PAPOLG: variants seen among roughly 807,000 people sequenced by gnomAD.
PAPOLG encodes poly(A) polymerase gamma, also known as PAP-gamma.
Under a neutral mutation model 99.0 loss-of-function variants are expected in PAPOLG, and 40 were observed. That is an observed-to-expected ratio of 0.40 (90% CI 0.31 to 0.53). The LOEUF is 0.53. Among genes scored for constraint, PAPOLG ranks in the 20% least tolerant of loss-of-function variants. The probability of loss-of-function intolerance (pLI) is 0.41; values close to 1 mark genes in which losing one functional copy is unlikely to be tolerated. For synonymous variants in PAPOLG, 310 were observed against 299.3 expected (o/e 1.04, Z -0.37); for missense variants, 675 against 884.1 (o/e 0.76, Z 3.00).
intron 3 of PAPOLG, among the ~76,000 whole-genome samples, chr2:60,765,189 C>G (rs532993265): frequency 4.6e-5 from 7 of 151,868 alleles, no homozygotes; most frequent in Non-Finnish European, 8.8e-5. Flanking sequence ...TCACCCCAGC[C>G]CCCCAAGTAG....
rs777430421 is a variant in PAPOLG at position 60,779,758 on chromosome 2, T to C, written c.816T>C (p.Phe272=). ...AAASTLVHKF[F]LVFSKWEWPN... ...CATCTACTTTAGTTCATAAGTTCTT[T>C]TTAGTTTTTTCCAAGTGGTAAGTAT... Residue 272 remains phenylalanine (F), a synonymous_variant, in exon 9 of 22, where the codon TTT becomes TTC. Coordinates refer to ENST00000238714, the MANE Select transcript of PAPOLG (RefSeq NM_022894.4). The C allele has an allele frequency of 2.5e-6, 4 of 1,613,764 alleles. No homozygotes were observed. Among genetic ancestry groups the C allele is most frequent in the Non-Finnish European group, 3.4e-6 (4 of 1,179,762 alleles).
At chr2:60,765,485 C>T (rs1299647057) in intron 3 of PAPOLG, among the ~76,000 whole-genome samples, 1 of 151,440 alleles carries the variant, frequency 6.6e-6, no homozygotes, top group African/African-American at 2.4e-5. Flanking sequence ...GAACCTCCCA[C>T]CTCAGCCTCC....
chr2:60,768,376 A>T, intron 3 of PAPOLG, 94 bp from the exon 4 acceptor site: 2 of 1,297,714 alleles, frequency 1.5e-6, no homozygotes, highest in Non-Finnish European at 2.2e-6. Flanking sequence ...TGCTGGGATT[A>T]CAAGTGTGAG....
At chr2:60,773,090 G>A (rs910906210) in intron 7 of PAPOLG, among the ~76,000 whole-genome samples, 1 of 152,000 alleles carries the variant, frequency 6.6e-6, no homozygotes, top group Non-Finnish European at 1.5e-5. Context: ...ACGCCTGGCT[G>A]ATCTTTTTGT....
At position 60,798,553 on chromosome 2, in the gene PAPOLG, C is replaced by G. The variant is rs1439038377; in HGVS notation, c.*1393C>G. On this transcript the variant is annotated 3_prime_UTR_variant, in exon 22 of 22. Transcript: ENST00000238714. ...AAATGAAAATGTATAGATTACACAG[C>G]CAGGAATGCTAGTATCTACCACCTT... is the stretch of plus-strand genomic sequence containing the variant. 26 of 152,394 alleles carry G rather than the reference C, an allele frequency of 1.7e-4. No homozygotes were observed. Among genetic ancestry groups the G allele is most frequent in the Admixed American group, 1.7e-3 (26 of 15,274 alleles). 9.4% of individuals were successfully genotyped at this position (152,394 alleles called of 1,614,324 possible).
rs1671402901 is a variant in PAPOLG at position 60,787,573 on chromosome 2, G to A, written c.1349G>A (p.Ser450Asn). Residue 450 changes from serine (S) to asparagine (N), a missense_variant, in exon 15 of 22, where the codon AGT (serine) becomes AAT (asparagine). Around this residue, in one of 3 missense-constraint regions of PAPOLG, gnomAD observed 413 missense variants for 460.5 expected, o/e 0.90. Transcript: ENST00000238714. Reference sequence around the variant, plus strand: ...TTTCGGAGAGTAGAAAATGCAGAAAGTGTCAACATAGACTTGACATATGAT... The same window carrying A: ...TTTCGGAGAGTAGAAAATGCAGAAAATGTCAACATAGACTTGACATATGAT... Reference protein sequence around the residue: ...IIFRRVENAESVNIDLTYDIQ... With the variant: ...IIFRRVENAENVNIDLTYDIQ... 1 of 1,614,138 alleles carries A rather than the reference G, an allele frequency of 6.2e-7. No individual in the cohort carries two copies. The highest frequency in any genetic ancestry group is 8.5e-7 in the Non-Finnish European group (1 of 1,180,002).
In PAPOLG at chr2:60,756,429, C is replaced by A. The variant is rs1203181811; in HGVS notation, c.-50C>A. On this transcript the variant is annotated 5_prime_UTR_variant, in exon 1 of 22. Coordinates refer to ENST00000238714, the MANE Select transcript of PAPOLG (RefSeq NM_022894.4). ...CAGGGGGAGAAGGGAACAGCAAGAA[C>A]AGGACTCCAGAGCGATAAACACTCG... 1.2e-6 allele frequency: 2 copies of A among 1,612,860 alleles called. No homozygotes were observed. The highest frequency in any genetic ancestry group is 3.3e-5 in the Admixed American group (2 of 59,962).
rs1671163825 is a variant in PAPOLG at position 60,780,770 on chromosome 2, G to A, written c.897G>A (p.Trp299Ter). ...AAAGCAATTTGAATTTGCCTGTCTG[G>A]GATCCTCGGGTATGTGATTTATTAT... is the stretch of plus-strand genomic sequence containing the variant. ...PEESNLNLPVWDPRVNPSDRY... is the reference protein window; with the variant it reads ...PEESNLNLPV The change falls in exon 10 of 22, where the codon TGG becomes TGA. Residue 299 changes from tryptophan to a stop codon, truncating the protein, a stop_gained. Transcript: ENST00000238714. LOFTEE classifies it high-confidence loss of function. The A allele has an allele frequency of 6.2e-7, 1 of 1,611,282 alleles. No homozygotes were observed. Among genetic ancestry groups the A allele is most frequent in the African/African-American group, 1.3e-5 (1 of 74,836 alleles).
intron 6 of PAPOLG, 51 bp from the exon 7 acceptor site, chr2:60,771,467 GA>G: frequency 6.5e-7 from 1 of 1,546,578 alleles, no homozygotes; most frequent in Non-Finnish European, 8.7e-7. Context: ...GGAGAGGATG[GA>G]TTAAAAGGAG....
At chr2:60,766,259 G>A (rs888230113) in intron 3 of PAPOLG, among the ~76,000 whole-genome samples, 6 of 152,146 alleles carry the variant, frequency 3.9e-5, no homozygotes, top group African/African-American at 1.4e-4. Context: ...TTTAAGAATT[G>A]TAATGGCAGA....
chr2:60,793,679 C>A lies in PAPOLG; in HGVS notation c.1732C>A (p.Pro578Thr). The A allele has an allele frequency of 6.2e-7, 1 of 1,613,824 alleles. No individual in the cohort carries two copies. The highest frequency in any genetic ancestry group is 1.3e-5 in the African/African-American group (1 of 75,032). Residue 578 changes from proline to threonine, a missense_variant, in exon 18 of 22, where the codon CCA (proline) becomes ACA (threonine). This residue lies in a region of PAPOLG where 413 missense variants were observed against 460.5 expected (regional missense o/e 0.90). Coordinates refer to ENST00000238714, the MANE Select transcript of PAPOLG (RefSeq NM_022894.4). ...VIVEKPLSVP[P>T]AQGLSIPVIG... ...TGTGGAGAAGCCACTGAGTGTACCACCAGCCCAAGGACTTTCCATTCCAGT... is the reference window on the plus strand; with the variant it reads ...TGTGGAGAAGCCACTGAGTGTACCAACAGCCCAAGGACTTTCCATTCCAGT...
At position 60,783,175 on chromosome 2, in the gene PAPOLG, G is replaced by A. The variant is rs1019836388; in HGVS notation, c.1132G>A (p.Ala378Thr). ...QKYRHYIVLT[A>T]SASTEENHLE... ...CTTCAGACATTATATAGTATTGACT[G>A]CCAGCGCATCAACAGAAGAAAACCA... is the stretch of plus-strand genomic sequence containing the variant. Residue 378 changes from alanine to threonine, a missense_variant, in exon 13 of 22, where the codon GCC (alanine) becomes ACC (threonine). By Grantham distance (58) the Ala-to-Thr change is moderately conservative. This residue lies in a region of PAPOLG where 413 missense variants were observed against 460.5 expected (regional missense o/e 0.90). Coordinates refer to ENST00000238714, the MANE Select transcript of PAPOLG (RefSeq NM_022894.4). The A allele has an allele frequency of 5.7e-6, 9 of 1,592,758 alleles. No homozygotes were observed. The highest frequency in any genetic ancestry group is 7.7e-6 in the Non-Finnish European group (9 of 1,170,932).
At chr2:60,767,042 T>G (rs983756125) in intron 3 of PAPOLG, among the ~76,000 whole-genome samples, 2 of 152,204 alleles carry the variant, frequency 1.3e-5, no homozygotes, top group African/African-American at 2.4e-5. Context: ...AGGGGTAGTT[T>G]AGGATGCCAT....
intron 12 of PAPOLG, 101 bp from the exon 13 acceptor site, chr2:60,783,055 C>G: frequency 9.3e-7 from 1 of 1,075,084 alleles, no homozygotes; most frequent in South Asian, 2.1e-5. Flanking sequence ...TTTATTAGCT[C>G]ATTTGTTCAG....
intron 19 of PAPOLG, 187 bp from the exon 20 acceptor site, chr2:60,794,523 C>G: frequency 3.3e-6 from 2 of 609,334 alleles, no homozygotes; most frequent in Non-Finnish European, 5.6e-6. Flanking sequence ...CCAAAAAGAT[C>G]ACCCAAACTG....
In PAPOLG at chr2:60,800,552, T is replaced by C. The variant is rs896096203; in HGVS notation, c.*3392T>C. On this transcript the variant is annotated 3_prime_UTR_variant, in exon 22 of 22. Coordinates refer to ENST00000238714, the MANE Select transcript of PAPOLG (RefSeq NM_022894.4). ...GCTTTGTTTTAAAGCAGCAATTTAG[T>C]AGCATTATTAAAATGCTTACTTCAC... 6.6e-6 allele frequency: 1 copy of C among 152,364 alleles called. No individual in the cohort carries two copies. Among genetic ancestry groups the C allele is most frequent in the African/African-American group, 2.4e-5 (1 of 41,452 alleles). The allele number at this position is 152,364 out of a possible 1,614,324, so 9.4% of individuals were successfully genotyped here. A position where few individuals can be genotyped will look rare whatever the true frequency, so the allele number is the denominator to read the frequency against.
At position 60,787,041 on chromosome 2, in the gene PAPOLG, C is replaced by G. The variant is rs1418631766; in HGVS notation, c.1261C>G (p.Pro421Ala). The G allele has an allele frequency of 1.2e-6, 2 of 1,610,288 alleles. No individual in the cohort carries two copies. The highest frequency in any genetic ancestry group is 1.1e-5 in the South Asian group (1 of 90,596). ...TGCCCATGTGAATCCCCAGTCATTCCCAGGGAATAAGGAACATCATAAAGA... is the reference window on the plus strand; with the variant it reads ...TGCCCATGTGAATCCCCAGTCATTCGCAGGGAATAAGGAACATCATAAAGA... ...TLAHVNPQSFPGNKEHHKDNN... is the reference protein window; with the variant it reads ...TLAHVNPQSFAGNKEHHKDNN... Residue 421 changes from proline to alanine, a missense_variant, in exon 14 of 22, where the codon CCA becomes GCA. Around this residue, in one of 3 missense-constraint regions of PAPOLG, gnomAD observed 413 missense variants for 460.5 expected, o/e 0.90. Coordinates refer to ENST00000238714, the MANE Select transcript of PAPOLG (RefSeq NM_022894.4).
chr2:60,783,323 T>C (rs1558704294), intron 13 of PAPOLG, 114 bp downstream of exon 13: 6 of 288,744 alleles, frequency 2.1e-5, no homozygotes, highest in Admixed American at 1.1e-4. Flanking sequence ...TTATTATATC[T>C]CTTTTTTTTT....
At chr2:60,795,739 A>T (rs556592274) in intron 21 of PAPOLG, among the ~76,000 whole-genome samples, 3 of 152,010 alleles carry the variant, frequency 2.0e-5, no homozygotes, top group Non-Finnish European at 4.4e-5. Context: ...CTTTTCATCA[A>T]CTGTTACCCT....
Sources: allele counts gnomAD v4.1 joint callset (sites outside exome capture counted in the v4.1 genomes callset), GRCh38; gene constraint gnomAD v4.1.1; regional missense constraint gnomAD v4.1.1; transcripts MANE v1.5; gene names NCBI Gene and HGNC (gene_info 2026-07-23, HGNC 2026-07-21).